The following CNIH3 variants were observed in gnomAD, a reference collection of about 807,000 sequenced individuals.
CNIH3 encodes cornichon family AMPA receptor auxiliary protein 3, also known as protein cornichon homolog 3.
A neutral mutation model predicts 24.1 loss-of-function variants in CNIH3; 14 were observed. That is an observed-to-expected ratio of 0.58 (90% CI 0.38 to 0.91). The LOEUF is 0.91. Ranked by LOEUF, CNIH3 falls within the 40% of genes least tolerant of loss-of-function variation. The pLI, the probability that CNIH3 is intolerant of heterozygous loss-of-function variation, is 0.00. For synonymous variants in CNIH3, 68 were observed against 73.8 expected, an observed-to-expected ratio of 0.92 and a Z score of 0.40; for missense variants, 178 against 196.8, an observed-to-expected ratio of 0.90 and a Z score of 0.57.
rs558518040 is a variant in CNIH3 at position 224,586,758 on chromosome 1, G to A, written n.621-1603G>A. Among the ~76,000 whole-genome samples the A allele has an allele frequency of 2.0e-5, 3 of 152,294 alleles. No individual in the cohort carries two copies. In the East Asian group the frequency reaches 5.8e-4, roughly 29 times the overall value. On this transcript the variant is annotated intron_variant and non_coding_transcript_variant, in intron 5 of 5. Coordinates refer to the CNIH3 transcript ENST00000471578. ...TAAAATCATCCTGGATTCAGGGTAG[G>A]CCCTAAATCCAATGACTGGTGTCCT...
upstream of CNIH3, among the ~76,000 whole-genome samples, chr1:224,512,389 GA>G (rs1678192081): frequency 6.6e-6 from 1 of 152,168 alleles, no homozygotes; most frequent in Non-Finnish European, 1.5e-5. Flanking sequence ...GGCTGAGGGG[GA>G]AATCAGTTGA....
Position 224,684,793 on chromosome 1 carries a change from T to TA in CNIH3, c.151-2dup. 1.9e-6 allele frequency: 3 copies of TA among 1,613,716 alleles called. No individual in the cohort carries two copies. Among genetic ancestry groups the TA allele is most frequent in the Non-Finnish European group, 2.5e-6 (3 of 1,179,618 alleles). On this transcript the variant is annotated splice_region_variant and splice_polypyrimidine_tract_variant and intron_variant, in intron 2 of 5. Coordinates refer to ENST00000272133, the MANE Select transcript of CNIH3 (RefSeq NM_152495.2). The surrounding 1 kb of genome is among the most constrained non-coding windows in gnomAD (Gnocchi z 4.2). ...CTCATTTCTTTCTTGTGCATCCTGA[T>TA]AGAGGGAACGGTTGAGGAACATCGA...
At chr1:224,484,770 C>T (rs979670591) in intron 1 of CNIH3, among the ~76,000 whole-genome samples, 24 of 152,080 alleles carry the variant, frequency 1.6e-4, no homozygotes, top group South Asian at 2.1e-4. Flanking sequence ...TCTACTTTGC[C>T]GTTAATCCCA....
At chr1:224,670,207 G>GA (rs1685797212) in intron 1 of CNIH3, among the ~76,000 whole-genome samples, 1 of 152,224 alleles carries the variant, frequency 6.6e-6, no homozygotes, top group African/African-American at 2.4e-5. Context: ...TAGGGAGAGA[G>GA]AGGCATGGAG....
Position 224,604,165 on chromosome 1 carries a change from G to C in CNIH3, n.402+37901G>C, listed in dbSNP as rs937777497. 6.6e-6 allele frequency among the ~76,000 whole-genome samples: 1 copy of C among 152,196 alleles called. No homozygotes were observed. The highest frequency in any genetic ancestry group is 2.4e-5 in the African/African-American group (1 of 41,434). On this transcript the variant is annotated intron_variant and non_coding_transcript_variant, in intron 3 of 7. Transcript: ENST00000478120. The surrounding 1 kb of genome is among the most constrained non-coding windows in gnomAD (Gnocchi z 4.4). ...TGTGACATCCTATGACAATTAGCCT[G>C]AATTAATGAGTTTAATTTTGAATTT...
chr1:224,707,947 C>T (rs1379199174), intron 3 of CNIH3, among the ~76,000 whole-genome samples: 2 of 152,186 alleles, frequency 1.3e-5, no homozygotes, highest in Non-Finnish European at 2.9e-5. Context: ...CTGAGACCCT[C>T]TCTGTCCACT....
intron 1 of CNIH3, among the ~76,000 whole-genome samples, chr1:224,463,770 CTCATTTTTTT>C (rs1676031295): frequency 1.1e-5 from 1 of 87,070 alleles, no homozygotes; most frequent in Non-Finnish European, 2.1e-5. Context: ...ATGAATTGTC[CTCATTTTTTT>C]TTTTTTTTTT....
intron 1 of CNIH3, among the ~76,000 whole-genome samples, chr1:224,679,068 T>C (rs1349693817): frequency 6.6e-6 from 1 of 152,198 alleles, no homozygotes; most frequent in Non-Finnish European, 1.5e-5. Flanking sequence ...AATTTTAATA[T>C]AAGCTTCACA....
chr1:224,626,763 C>G (rs1572613123), intron 1 of CNIH3, among the ~76,000 whole-genome samples: 1 of 152,200 alleles, frequency 6.6e-6, no homozygotes, highest in African/African-American at 2.4e-5. Flanking sequence ...CCACAACTCC[C>G]CATCTCACAG....
intron 2 of CNIH3, among the ~76,000 whole-genome samples, chr1:224,545,974 C>G (rs74146382): frequency 1.3e-5 from 2 of 152,024 alleles, no homozygotes; most frequent in African/African-American, 4.8e-5. Context: ...GGTGGCTTCC[C>G]AGGGTTTCTC....
rs1172496479 is a variant in CNIH3, at chr1:224,641,483, G to A, written c.81+24228G>A. On this transcript the variant is annotated intron_variant, in intron 1 of 5. Transcript: ENST00000272133. Reference sequence around the variant, plus strand: ...CAGAGAACTCTTCTTCTGGAGAATCGGGGTCTGGTTTGTACCTTCCAGCTA... The same window carrying A: ...CAGAGAACTCTTCTTCTGGAGAATCAGGGTCTGGTTTGTACCTTCCAGCTA... Among the ~76,000 whole-genome samples the A allele has an allele frequency of 5.3e-5, 8 of 152,140 alleles. No homozygotes were observed. The East Asian group carries it at 7.7e-4, about 15-fold the overall frequency.
rs79459834 is a variant in CNIH3 at position 224,498,190 on chromosome 1, G to C, written n.204-17551G>C. Reference sequence around the variant, plus strand: ...TTGGCCTGTGCTCACTGCTGCCACTGCAATGCCATCTGGAAGAGAAAATCA... The same window carrying C: ...TTGGCCTGTGCTCACTGCTGCCACTCCAATGCCATCTGGAAGAGAAAATCA... On this transcript the variant is annotated intron_variant and non_coding_transcript_variant, in intron 1 of 5. Transcript: ENST00000471578. Among the ~76,000 whole-genome samples the C allele has an allele frequency of 9.2e-5, 14 of 152,278 alleles. No individual in the cohort carries two copies. The East Asian group carries it at 2.5e-3, about 27-fold the overall frequency.
chr1:224,538,130 G>A (rs982944755), downstream of CNIH3, among the ~76,000 whole-genome samples: 2 of 152,030 alleles, frequency 1.3e-5, no homozygotes, highest in East Asian at 1.9e-4. Context: ...TGTATTTTTA[G>A]TAGAGATGGA....
intron 1 of CNIH3, among the ~76,000 whole-genome samples, chr1:224,632,286 A>G (rs1201274988): frequency 6.6e-6 from 1 of 152,128 alleles, no homozygotes; most frequent in East Asian, 1.9e-4. Context: ...AAGCCTTTAG[A>G]GCAGGTATAG....
chr1:224,700,770 C>T (rs918479670), intron 3 of CNIH3, among the ~76,000 whole-genome samples: 19 of 152,168 alleles, frequency 1.2e-4, no homozygotes, highest in Non-Finnish European at 2.2e-4. Flanking sequence ...GAGTGCAGAG[C>T]CTGTCCCCTG....
At position 224,463,770 on chromosome 1, in the gene CNIH3, CTCATTTTTTTTTTTTTT is replaced by C. The variant is rs1324917506; in HGVS notation, n.203+28910_203+28926del. On this transcript the variant is annotated intron_variant and non_coding_transcript_variant, in intron 1 of 5. Transcript: ENST00000471578. ...TTTTTCTCCCAGCTTATGAATTGTC[CTCATTTTTTTTTTTTTT>C]TTTTTTTTTTTTTTTTTTTTTTAGA... Among the ~76,000 whole-genome samples the C allele has an allele frequency of 8.0e-5, 7 of 87,096 alleles. 1 individual carries two copies. Among genetic ancestry groups the C allele is most frequent in the Admixed American group, 1.5e-4 (1 of 6,642 alleles). The allele number at this position is 87,096 out of a possible 152,430, so 57.1% of individuals were successfully genotyped here.
At chr1:224,603,603 A>C (rs1682294557) in intron 3 of CNIH3, among the ~76,000 whole-genome samples, 1 of 152,238 alleles carries the variant, frequency 6.6e-6, no homozygotes, top group Non-Finnish European at 1.5e-5. Context: ...TGCCATTTGC[A>C]TCTAATATTT....
At chr1:224,613,571 A>C (rs1558211545), upstream of CNIH3, among the ~76,000 whole-genome samples, 1 of 152,132 alleles carries the variant, frequency 6.6e-6, no homozygotes, top group Non-Finnish European at 1.5e-5. Context: ...CCAGTGTTGG[A>C]GGTGGGGCCT....
At chr1:224,533,252 A>T (rs1033850088) in intron 2 of CNIH3, among the ~76,000 whole-genome samples, 1 of 151,828 alleles carries the variant, frequency 6.6e-6, no homozygotes, top group Admixed American at 6.6e-5. Flanking sequence ...CTACAAAAAA[A>T]AAAAATAAAA....
Sources: allele counts gnomAD v4.1 joint callset (sites outside exome capture counted in the v4.1 genomes callset), GRCh38; gene constraint gnomAD v4.1.1; non-coding constraint Gnocchi (gnomAD v3.1); transcripts MANE v1.5; gene names NCBI Gene and HGNC (gene_info 2026-07-23, HGNC 2026-07-21).